Variants in PCMTD1 observed in about 807,000 individuals in gnomAD.
PCMTD1 encodes protein-L-isoaspartate O-methyltransferase domain-containing protein 1.
A neutral mutation model predicts 37.6 loss-of-function variants in PCMTD1; 12 were observed. That is an observed-to-expected ratio of 0.32 (90% CI 0.20 to 0.52). The LOEUF is 0.52. Ranked by LOEUF, PCMTD1 falls within the 20% of genes least tolerant of loss-of-function variation. The probability of loss-of-function intolerance (pLI) is 0.97; values close to 1 mark genes in which losing one functional copy is unlikely to be tolerated. For missense variants in PCMTD1, 235 were observed against 421.3 expected, an observed-to-expected ratio of 0.56 and a Z score of 3.87; for synonymous variants, 117 against 135.8, an observed-to-expected ratio of 0.86 and a Z score of 0.96.
intron 2 of PCMTD1, among the ~76,000 whole-genome samples, chr8:51,853,064 T>C (rs1416830308): frequency 6.6e-6 from 1 of 152,186 alleles, no homozygotes; most frequent in Non-Finnish European, 1.5e-5. Flanking sequence ...CCTTTGCATG[T>C]GGATGTTACT....
upstream of PCMTD1, chr8:51,899,067 G>A (rs568426345): frequency 7.5e-5 from 112 of 1,501,976 alleles, 1 homozygote; most frequent in African/African-American, 1.4e-3. Context: ...CGCGACTGGA[G>A]CAGCCAGAGC....
intron 5 of PCMTD1, among the ~76,000 whole-genome samples, chr8:51,822,761 G>A (rs1415449196): frequency 6.6e-6 from 1 of 152,190 alleles, no homozygotes; most frequent in Non-Finnish European, 1.5e-5. Flanking sequence ...ATCGTGACAT[G>A]CAAAGACCAA....
intron 1 of PCMTD1, among the ~76,000 whole-genome samples, chr8:51,876,738 A>G (rs2038718218): frequency 6.6e-6 from 1 of 152,228 alleles, no homozygotes; most frequent in Non-Finnish European, 1.5e-5. Context: ...AATCTAAACA[A>G]GAGATTGATG....
chr8:51,869,404 G>A (rs192536408), intron 1 of PCMTD1, among the ~76,000 whole-genome samples: 77 of 152,122 alleles, frequency 5.1e-4, no homozygotes, highest in African/African-American at 1.8e-3. Context: ...CCAAAATGTC[G>A]TTTCCTCACC....
chr8:51,836,340 T>C (rs995005078), intron 3 of PCMTD1, among the ~76,000 whole-genome samples: 5 of 152,340 alleles, frequency 3.3e-5, no homozygotes, highest in South Asian at 4.1e-4. Context: ...ATGTAAAATA[T>C]CTAATTCTTT....
chr8:51,859,926 C>T (rs1280031370), intron 2 of PCMTD1, among the ~76,000 whole-genome samples: 1 of 151,960 alleles, frequency 6.6e-6, no homozygotes, highest in Non-Finnish European at 1.5e-5. Context: ...CACACCCCAC[C>T]CCCCTAAATA....
rs1342669820 is a variant in PCMTD1 at position 51,878,543 on chromosome 8, T to C, written c.-95-17297A>G. On this transcript the variant is annotated intron_variant, in intron 1 of 5. Coordinates refer to ENST00000522514, the MANE Select transcript of PCMTD1 (RefSeq NM_052937.4). Reference sequence around the variant, plus strand: ...AGGAGGACTGTTTGAGCCTAGGAGTTTGAGAACAGCCTGGGCAACATAGTG... The same window carrying C: ...AGGAGGACTGTTTGAGCCTAGGAGTCTGAGAACAGCCTGGGCAACATAGTG... Among the ~76,000 whole-genome samples, 3 of 151,770 alleles carry C rather than the reference T, an allele frequency of 2.0e-5. No homozygotes were observed. In the East Asian group the frequency reaches 5.8e-4, roughly 29 times the overall value.
At chr8:51,888,544 TG>T (rs1368345067) in intron 1 of PCMTD1, among the ~76,000 whole-genome samples, 1 of 152,140 alleles carries the variant, frequency 6.6e-6, no homozygotes, top group Non-Finnish European at 1.5e-5. Context: ...GGGTTAACAA[TG>T]AGAAAGAGAC....
chr8:51,838,900 A>G (rs886392403), intron 3 of PCMTD1, among the ~76,000 whole-genome samples: 1 of 152,186 alleles, frequency 6.6e-6, no homozygotes, highest in Non-Finnish European at 1.5e-5. Context: ...TTTTTATATC[A>G]ACGACACAAT....
chr8:51,833,407 G>C, intron 4 of PCMTD1, 111 bp downstream of exon 4: 2 of 836,236 alleles, frequency 2.4e-6, no homozygotes. Flanking sequence ...CTGGTGAAAA[G>C]TAATTTTTTC....
At position 51,820,794 on chromosome 8, in the gene PCMTD1, A is replaced by C. The variant is rs1057455398; in HGVS notation, c.707-76T>G. 1.1e-4 allele frequency: 152 copies of C among 1,371,264 alleles called. 2 individuals carry two copies. In the East Asian group the frequency reaches 3.9e-3, roughly 35 times the overall value. 84.9% of individuals were successfully genotyped at this position (1,371,264 alleles called of 1,614,324 possible). On this transcript the variant is annotated intron_variant, in intron 5 of 5. Transcript: ENST00000522514. ...ATCTATTGTTTATTTTTTTCATAGA[A>C]CAAAATGTGTTTCTTAGCATATTTT...
intron 1 of PCMTD1, among the ~76,000 whole-genome samples, chr8:51,885,525 A>T (rs1351433319): frequency 6.6e-6 from 1 of 152,184 alleles, no homozygotes; most frequent in Non-Finnish European, 1.5e-5. Context: ...ACTGAAGCAC[A>T]TGTTCTTTCT....
chr8:51,831,373 C>A, intron 5 of PCMTD1, 71 bp downstream of exon 5: 1 of 1,437,918 alleles, frequency 7.0e-7, no homozygotes. Flanking sequence ...ATTACATAGT[C>A]TTAAATCCCA....
At chr8:51,827,201 C>G in intron 5 of PCMTD1, 19 of 1,135,348 alleles carry the variant, frequency 1.7e-5, no homozygotes, top group Non-Finnish European at 2.1e-5. Flanking sequence ...CTATATGAAG[C>G]TTTTATTTTT....
intron 2 of PCMTD1, among the ~76,000 whole-genome samples, chr8:51,852,578 GGTAT>G (rs1459833103): frequency 1.3e-5 from 2 of 152,010 alleles, no homozygotes; most frequent in Non-Finnish European, 2.9e-5. Context: ...CCTATAAAGC[GGTAT>G]GTATTTGCAA....
chr8:51,863,301 C>T (rs2038501979), intron 1 of PCMTD1, among the ~76,000 whole-genome samples: 1 of 152,178 alleles, frequency 6.6e-6, no homozygotes, highest in Non-Finnish European at 1.5e-5. Context: ...TGATCTGACC[C>T]TCCTTAGGTC....
intron 1 of PCMTD1, among the ~76,000 whole-genome samples, chr8:51,893,649 C>T (rs936959147): frequency 2.6e-5 from 4 of 152,054 alleles, no homozygotes; most frequent in African/African-American, 9.7e-5. Context: ...AATTTATATA[C>T]AGTACCAAGA....
intron 5 of PCMTD1, among the ~76,000 whole-genome samples, chr8:51,825,062 T>TAA (rs200145019): frequency 0.2 from 30,116 of 152,000 alleles, 4,664 homozygotes; most frequent in African/African-American, 0.42. Flanking sequence ...ATTAAAGACT[T>TAA]AAATCTAAGA....
At chr8:51,867,481 G>GTC (rs1011324716) in intron 1 of PCMTD1, among the ~76,000 whole-genome samples, 3 of 48,738 alleles carry the variant, frequency 6.2e-5, no homozygotes, top group African/African-American at 3.2e-4. Flanking sequence ...AAAATGGTGT[G>GTC]TGTGTGTGTG....
Sources: gnomAD v4.1 joint callset for allele counts (sites outside exome capture counted in the v4.1 genomes callset) on GRCh38, gnomAD v4.1.1 for gene constraint, MANE v1.5 for transcripts, NCBI Gene and HGNC (gene_info 2026-07-23, HGNC 2026-07-21) for gene names.